RBPMS: variants seen among roughly 807,000 people sequenced by gnomAD.
RBPMS encodes the protein RNA-binding protein with multiple splicing.
A neutral mutation model predicts 26.8 loss-of-function variants in RBPMS; 7 were observed. The ratio of observed to expected loss-of-function variants is 0.26; its 90% CI spans 0.15 to 0.49. RBPMS has a LOEUF of 0.49. Ranked by LOEUF, RBPMS falls within the 20% of genes least tolerant of loss-of-function variation. The pLI is 0.98. For missense variants in RBPMS, 186 were observed against 250.0 expected (o/e 0.74, Z 1.73); for synonymous variants, 96 against 93.3 (o/e 1.03, Z -0.17).
At chr8:30,422,439 C>T (rs1810902316) in intron 1 of RBPMS, among the ~76,000 whole-genome samples, 1 of 151,974 alleles carries the variant, frequency 6.6e-6, no homozygotes, top group African/African-American at 2.4e-5. Context: ...AATAATAATA[C>T]TAAATTTTCT....
rs371740657 is a variant in RBPMS at position 30,482,718 on chromosome 8, G to A, written c.246+3341G>A. ...CCAGACTTCTTTTCAGGTTATCTTT[G>A]GTCTCATTAATCCACATCATTAAAA... On this transcript the variant is annotated intron_variant, in intron 4 of 8. Transcript: ENST00000397323. Among the ~76,000 whole-genome samples the A allele has an allele frequency of 1.7e-3, 264 of 152,154 alleles. 2 individuals are homozygous for A. Among genetic ancestry groups the A allele is most frequent in the African/African-American group, 6.1e-3 (254 of 41,512 alleles).
intron 5 of RBPMS, among the ~76,000 whole-genome samples, chr8:30,511,478 AAAAAAAAAATATATATATATATATAT>A (rs1267879051): frequency 1.2e-4 from 2 of 17,194 alleles, no homozygotes; most frequent in Non-Finnish European, 1.2e-4. Context: ...AAAGAAAAAA[AAAAAAAAAATATATATATATATATAT>A]ATATATATAT....
At chr8:30,465,146 T>G (rs776264229) in intron 1 of RBPMS, among the ~76,000 whole-genome samples, 4 of 152,256 alleles carry the variant, frequency 2.6e-5, no homozygotes, top group Non-Finnish European at 4.4e-5. Context: ...AAGGAACTTC[T>G]TGTTGAACTC....
chr8:30,461,621 T>C lies in RBPMS; in HGVS notation c.67-13158T>C, dbSNP rs549501408. Reference sequence around the variant, plus strand: ...CATGTTAGCCAGGATAGTCTTGATCTCCTGACCTCGTGTTCCACCCGCCTT... The same window carrying C: ...CATGTTAGCCAGGATAGTCTTGATCCCCTGACCTCGTGTTCCACCCGCCTT... On this transcript the variant is annotated intron_variant, in intron 1 of 8. Coordinates refer to ENST00000397323, the MANE Select transcript of RBPMS (RefSeq NM_001008710.3). Among the ~76,000 whole-genome samples, 299 of 152,300 alleles carry C rather than the reference T, an allele frequency of 2.0e-3. 1 individual carries two copies. The highest frequency in any genetic ancestry group is 3.1e-3 in the Non-Finnish European group (210 of 68,026).
intron 4 of RBPMS, among the ~76,000 whole-genome samples, chr8:30,495,145 G>C (rs1250643009): frequency 6.6e-6 from 1 of 152,132 alleles, no homozygotes; most frequent in Non-Finnish European, 1.5e-5. Flanking sequence ...ACACAGGCTT[G>C]AAATCAAAGA....
chr8:30,525,447 A>AT (rs1823476275), intron 5 of RBPMS, among the ~76,000 whole-genome samples: 1 of 152,146 alleles, frequency 6.6e-6, no homozygotes, highest in African/African-American at 2.4e-5. Context: ...ACAACTCCCT[A>AT]TTTATATATG....
At chr8:30,471,784 T>C (rs1309956788) in intron 1 of RBPMS, among the ~76,000 whole-genome samples, 1 of 152,164 alleles carries the variant, frequency 6.6e-6, no homozygotes, top group African/African-American at 2.4e-5. Flanking sequence ...TGTCAGCAAT[T>C]CTGCCTCAGC....
chr8:30,461,921 G>A (rs1322142778), intron 1 of RBPMS, among the ~76,000 whole-genome samples: 1 of 152,208 alleles, frequency 6.6e-6, no homozygotes, highest in Non-Finnish European at 1.5e-5. Context: ...GGTTGCTTTT[G>A]AGTAGATAAG....
intron 1 of RBPMS, among the ~76,000 whole-genome samples, chr8:30,449,882 A>T (rs1814340747): frequency 6.6e-6 from 1 of 152,240 alleles, no homozygotes; most frequent in Admixed American, 6.5e-5. Context: ...TCAGGGCCAG[A>T]TTCTACAGTT....
intron 1 of RBPMS, among the ~76,000 whole-genome samples, chr8:30,385,752 T>C (rs1806989520): frequency 6.6e-6 from 1 of 152,140 alleles, no homozygotes; most frequent in Non-Finnish European, 1.5e-5. Flanking sequence ...GCCGTGCAGC[T>C]GAGGGGAGCA....
chr8:30,480,822 C>T (rs1023176689), intron 4 of RBPMS, among the ~76,000 whole-genome samples: 1 of 152,196 alleles, frequency 6.6e-6, no homozygotes, highest in South Asian at 2.1e-4. Flanking sequence ...TTCAATTTAG[C>T]AGTGTTTTAT....
chr8:30,493,875 T>C (rs576995584), intron 4 of RBPMS, among the ~76,000 whole-genome samples: 9 of 152,332 alleles, frequency 5.9e-5, no homozygotes, highest in African/African-American at 2.2e-4. Context: ...TCAAAGGCCC[T>C]GTCATGACTT....
intron 1 of RBPMS, among the ~76,000 whole-genome samples, chr8:30,424,549 A>G (rs907430201): frequency 6.6e-6 from 1 of 152,236 alleles, no homozygotes; most frequent in African/African-American, 2.4e-5. Context: ...ATTCATAACT[A>G]GGTTCATACT....
At chr8:30,490,018 T>C (rs1288932468) in intron 4 of RBPMS, among the ~76,000 whole-genome samples, 2 of 151,816 alleles carry the variant, frequency 1.3e-5, no homozygotes, top group African/African-American at 4.8e-5. Context: ...TTCACTGTGT[T>C]AGTCAGGATG....
intron 5 of RBPMS, among the ~76,000 whole-genome samples, chr8:30,527,771 G>A (rs1220005563): frequency 6.6e-6 from 1 of 152,212 alleles, no homozygotes; most frequent in East Asian, 1.9e-4. Context: ...GAGAAGCTGG[G>A]TAGGTTTAGC....
chr8:30,441,753 G>A (rs1813097522), intron 1 of RBPMS, among the ~76,000 whole-genome samples: 1 of 152,148 alleles, frequency 6.6e-6, no homozygotes, highest in South Asian at 2.1e-4. Flanking sequence ...TGATTTATCT[G>A]CCATCAATAT....
intron 4 of RBPMS, among the ~76,000 whole-genome samples, chr8:30,482,830 T>G (rs1818418692): frequency 6.6e-6 from 1 of 152,188 alleles, no homozygotes; most frequent in East Asian, 1.9e-4. Context: ...CTGTTTTGAA[T>G]TTCCAAGCTA....
At chr8:30,552,199 G>T (rs1344227769) in intron 6 of RBPMS, 2 of 152,170 alleles carry the variant, frequency 1.3e-5, no homozygotes, top group East Asian at 1.9e-4. Flanking sequence ...GGTCAGCTGG[G>T]TGTGTACCCA....
chr8:30,547,443 TC>T, intron 6 of RBPMS: 2 of 1,579,738 alleles, frequency 1.3e-6, no homozygotes, highest in South Asian at 1.2e-5. Context: ...TTAGCTATTT[TC>T]CCCCCTTTCA....
Sources: allele counts gnomAD v4.1 joint callset (sites outside exome capture counted in the v4.1 genomes callset), GRCh38; gene constraint gnomAD v4.1.1; transcripts MANE v1.5; gene names NCBI Gene and HGNC (gene_info 2026-07-23, HGNC 2026-07-21).